PTPRD: variants seen among roughly 807,000 people sequenced by gnomAD.
PTPRD encodes receptor-type tyrosine-protein phosphatase delta.
PTPRD carries 34 observed loss-of-function variants against 214.5 expected under a neutral mutation model. The observed-to-expected ratio is 0.16, with a 90% CI of 0.12 to 0.21. The LOEUF (loss-of-function observed/expected upper bound fraction) is 0.21, where lower values mean the gene tolerates loss of function less well. Ranked by LOEUF, PTPRD falls within the 10% of genes least tolerant of loss-of-function variation. The pLI is 1.00. For missense variants in PTPRD, 2,545 were observed against 2,398.7 expected (o/e 1.06, Z -1.27); for synonymous variants, 1,128 against 845.7 (o/e 1.33, Z -5.79).
At chr9:10,499,725 C>T (rs2043096723) in intron 2 of PTPRD, among the ~76,000 whole-genome samples, 1 of 151,378 alleles carries the variant, frequency 6.6e-6, no homozygotes, top group Admixed American at 6.6e-5. Flanking sequence ...TAGGTTTCTC[C>T]TCTTCCCTTG....
At chr9:8,494,840 T>A (rs1455585649) in intron 26 of PTPRD, among the ~76,000 whole-genome samples, 1 of 152,200 alleles carries the variant, frequency 6.6e-6, no homozygotes, top group African/African-American at 2.4e-5. Context: ...ATTTTCTTTC[T>A]TTAAGTGGTG....
chr9:10,091,961 G>A (rs375597596), intron 3 of PTPRD, among the ~76,000 whole-genome samples: 1 of 151,360 alleles, frequency 6.6e-6, no homozygotes, highest in East Asian at 1.9e-4. Flanking sequence ...ACAGTACAAG[G>A]TGTGTATGAG....
At chr9:9,035,649 A>T (rs893595467) in intron 10 of PTPRD, among the ~76,000 whole-genome samples, 1 of 147,582 alleles carries the variant, frequency 6.8e-6, no homozygotes, top group Admixed American at 6.8e-5. Context: ...GATAGACTTT[A>T]TGCCCAATGG....
At chr9:9,228,577 G>C (rs1465928591) in intron 9 of PTPRD, among the ~76,000 whole-genome samples, 2 of 151,184 alleles carry the variant, frequency 1.3e-5, no homozygotes, top group Non-Finnish European at 2.9e-5. Context: ...TGGACTTTAG[G>C]GTAAACAGGT....
chr9:8,997,635 C>A (rs890612163), intron 11 of PTPRD, among the ~76,000 whole-genome samples: 2 of 151,998 alleles, frequency 1.3e-5, no homozygotes, highest in African/African-American at 4.8e-5. Context: ...CCATTAATAA[C>A]CTATAATGGC....
chr9:8,907,517 C>CA (rs60277757), intron 11 of PTPRD, among the ~76,000 whole-genome samples: 5,599 of 79,122 alleles, frequency 0.071, 287 homozygotes, highest in Non-Finnish European at 0.098. Context: ...GACTCCGTCT[C>CA]AAAAAAAAAA....
In PTPRD at chr9:10,421,153, G is replaced by A. The variant is rs887950933; in HGVS notation, c.-599-80136C>T. Among the ~76,000 whole-genome samples, 4 of 151,662 alleles carry A rather than the reference G, an allele frequency of 2.6e-5. No homozygotes were observed. In the South Asian group the frequency reaches 6.3e-4, roughly 24 times the overall value. On this transcript the variant is annotated intron_variant, in intron 2 of 45. Transcript: ENST00000381196. Reference sequence around the variant, plus strand: ...TTGGGCTGCATTCAAAGCCATCCACGGGATGCAGGTTGGACAAGCTTGATC... The same window carrying A: ...TTGGGCTGCATTCAAAGCCATCCACAGGATGCAGGTTGGACAAGCTTGATC...
At chr9:8,770,783 C>G (rs183149205) in intron 11 of PTPRD, among the ~76,000 whole-genome samples, 9 of 151,684 alleles carry the variant, frequency 5.9e-5, no homozygotes, top group Admixed American at 5.9e-4. Flanking sequence ...GTCAAATATT[C>G]AAACTCAATT....
chr9:10,497,825 T>G (rs998774727), intron 2 of PTPRD, among the ~76,000 whole-genome samples: 2 of 152,078 alleles, frequency 1.3e-5, no homozygotes, highest in Admixed American at 6.6e-5. Flanking sequence ...ACGTTTATTG[T>G]TTTATAAAAA....
intron 10 of PTPRD, among the ~76,000 whole-genome samples, chr9:9,119,128 G>T (rs1327448637): frequency 2.0e-5 from 3 of 152,164 alleles, no homozygotes; most frequent in South Asian, 2.1e-4. Flanking sequence ...AGTATGTCCT[G>T]CTGGGTTCTC....
intron 44 of PTPRD, among the ~76,000 whole-genome samples, chr9:8,325,239 G>C (rs1403756624): frequency 6.7e-6 from 1 of 149,012 alleles, no homozygotes; most frequent in East Asian, 2.0e-4. Context: ...TACATCTTAG[G>C]TTTAAGTCTT....
intron 3 of PTPRD, among the ~76,000 whole-genome samples, chr9:10,253,178 G>A (rs1217445552): frequency 6.6e-6 from 1 of 152,092 alleles, no homozygotes; most frequent in African/African-American, 2.4e-5. Context: ...CTGATATGTA[G>A]AAATAAAGGG....
intron 34 of PTPRD, among the ~76,000 whole-genome samples, chr9:8,438,273 C>T (rs2095426431): frequency 6.6e-6 from 1 of 152,112 alleles, no homozygotes. Context: ...TAAAAAGCTA[C>T]CCTGCTTTTT....
chr9:8,865,340 G>T (rs1207572074), intron 11 of PTPRD, among the ~76,000 whole-genome samples: 2 of 152,090 alleles, frequency 1.3e-5, no homozygotes, highest in Non-Finnish European at 2.9e-5. Flanking sequence ...TTGAGAGCAG[G>T]ATTCATGTCT....
chr9:8,328,066 G>A (rs1035399656), intron 44 of PTPRD, among the ~76,000 whole-genome samples: 3 of 152,164 alleles, frequency 2.0e-5, no homozygotes, highest in Admixed American at 6.5e-5. Context: ...TCATTATGAT[G>A]TTTGCTGGTT....
At chr9:8,363,184 A>G (rs2078935229) in intron 39 of PTPRD, among the ~76,000 whole-genome samples, 1 of 152,208 alleles carries the variant, frequency 6.6e-6, no homozygotes, top group Non-Finnish European at 1.5e-5. Flanking sequence ...TGACCATTTG[A>G]GGTTGCATCT....
chr9:9,844,170 C>T (rs1264707103), intron 5 of PTPRD, among the ~76,000 whole-genome samples: 1 of 151,812 alleles, frequency 6.6e-6, no homozygotes, highest in Non-Finnish European at 1.5e-5. Context: ...TTTTGTCTAG[C>T]TTTCACTTTC....
At chr9:9,669,616 A>G (rs1338740684) in intron 7 of PTPRD, among the ~76,000 whole-genome samples, 4 of 152,160 alleles carry the variant, frequency 2.6e-5, no homozygotes, top group African/African-American at 9.7e-5. Context: ...TACTATTCCA[A>G]ATAAATTATA....
chr9:10,480,067 G>C (rs1185118323), intron 2 of PTPRD, among the ~76,000 whole-genome samples: 2 of 152,018 alleles, frequency 1.3e-5, no homozygotes, highest in African/African-American at 2.4e-5. Flanking sequence ...CCAATAAATA[G>C]GTCTCATAAG....
Sources: gnomAD v4.1 joint callset for allele counts (sites outside exome capture counted in the v4.1 genomes callset) on GRCh38, gnomAD v4.1.1 for gene constraint, MANE v1.5 for transcripts, NCBI Gene and HGNC (gene_info 2026-07-23, HGNC 2026-07-21) for gene names.